Variants in NRG1 observed in about 807,000 individuals in gnomAD.
The protein encoded by NRG1 is pro-neuregulin-1, membrane-bound isoform.
A neutral mutation model predicts 63.8 loss-of-function variants in NRG1; 18 were observed. The ratio of observed to expected loss-of-function variants is 0.28; its 90% CI spans 0.19 to 0.42. The LOEUF is 0.42. NRG1 is among the 10% of genes least tolerant of loss of function. NRG1 has a pLI of 1.00. For synonymous variants in NRG1, 302 were observed against 301.3 expected (o/e 1.00, Z -0.02); for missense variants, 762 against 814.7 (o/e 0.94, Z 0.79).
intron 5 of NRG1, among the ~76,000 whole-genome samples, chr8:32,713,123 T>C (rs1462068204): frequency 6.6e-6 from 1 of 152,182 alleles, no homozygotes; most frequent in Non-Finnish European, 1.5e-5. Flanking sequence ...TCCAGCAACA[T>C]AGATTACATA....
chr8:32,281,744 A>G (rs1386432), intron 1 of NRG1, among the ~76,000 whole-genome samples: 71,010 of 151,942 alleles, frequency 0.47, 18,139 homozygotes, highest in African/African-American at 0.68. Flanking sequence ...TACTCAGGAC[A>G]CTGAGGCAGG....
At chr8:32,364,859 A>G (rs1044231115) in intron 1 of NRG1, among the ~76,000 whole-genome samples, 4 of 152,050 alleles carry the variant, frequency 2.6e-5, no homozygotes, top group Non-Finnish European at 2.9e-5. Flanking sequence ...TGAGTGAAAA[A>G]TGACATCTGA....
intron 1 of NRG1, among the ~76,000 whole-genome samples, chr8:31,789,921 A>G (rs1820537327): frequency 6.6e-6 from 1 of 152,210 alleles, no homozygotes; most frequent in Admixed American, 6.5e-5. Flanking sequence ...GAAACAGATT[A>G]ATATCATTTT....
At chr8:32,388,602 C>T (rs1284406078) in intron 1 of NRG1, among the ~76,000 whole-genome samples, 1 of 151,984 alleles carries the variant, frequency 6.6e-6, no homozygotes, top group Non-Finnish European at 1.5e-5. Flanking sequence ...GTAGACCATA[C>T]ACATTGTTTT....
At chr8:32,740,190 CTTT>C (rs35219061) in intron 6 of NRG1, among the ~76,000 whole-genome samples, 4 of 92,516 alleles carry the variant, frequency 4.3e-5, no homozygotes, top group Non-Finnish European at 5.9e-5. Context: ...GACCCAACCT[CTTT>C]TTTTTTTTTT....
intron 1 of NRG1, among the ~76,000 whole-genome samples, chr8:32,397,288 CTT>C (rs1258456210): frequency 6.6e-6 from 1 of 152,030 alleles, no homozygotes; most frequent in Non-Finnish European, 1.5e-5. Flanking sequence ...ATCTGATTAA[CTT>C]TTAATCCTCA....
At chr8:31,882,871 A>G (rs1020416176) in intron 1 of NRG1, among the ~76,000 whole-genome samples, 13 of 152,138 alleles carry the variant, frequency 8.5e-5, no homozygotes, top group African/African-American at 2.9e-4. Flanking sequence ...TTTCTTACAG[A>G]TGAGCAAAAT....
intron 1 of NRG1, among the ~76,000 whole-genome samples, chr8:31,879,499 G>A (rs1248295324): frequency 6.6e-6 from 1 of 152,116 alleles, no homozygotes; most frequent in Non-Finnish European, 1.5e-5. Context: ...TAGTTCTCAG[G>A]CCCATCAAAC....
At chr8:31,712,041 C>G (rs1811811706) in intron 1 of NRG1, among the ~76,000 whole-genome samples, 2 of 152,036 alleles carry the variant, frequency 1.3e-5, no homozygotes, top group South Asian at 4.1e-4. Flanking sequence ...ATCTACTTTG[C>G]CTGTCTTCTG....
At position 31,921,477 on chromosome 8, in the gene NRG1, T is replaced by TACAC. The variant is rs10557313; in HGVS notation, c.37+282066_37+282069dup. Among the ~76,000 whole-genome samples, 273 of 150,804 alleles carry TACAC rather than the reference T, an allele frequency of 1.8e-3. 2 individuals are homozygous for TACAC. Among genetic ancestry groups the TACAC allele is most frequent in the African/African-American group, 6.0e-3 (245 of 41,128 alleles). On this transcript the variant is annotated intron_variant, in intron 1 of 10. Transcript: ENST00000519301. ...ATCTATTTACACACATACACACACA[T>TACAC]ACACACACACACACACACACACAGA...
chr8:31,979,109 C>A (rs1808663274), intron 1 of NRG1, among the ~76,000 whole-genome samples: 1 of 152,152 alleles, frequency 6.6e-6, no homozygotes, highest in Non-Finnish European at 1.5e-5. Flanking sequence ...GCTGATCCAC[C>A]TGGGGTGTCT....
chr8:32,646,595 C>A (rs569639037), intron 5 of NRG1: 3 of 755,202 alleles, frequency 4.0e-6, no homozygotes, highest in East Asian at 1.3e-4. Flanking sequence ...TAGCATCGAT[C>A]GCTGGCTTTC....
rs76089096 is a variant in NRG1 at position 32,750,806 on chromosome 8, C to T, written c.692-3566C>T. Among the ~76,000 whole-genome samples the T allele has an allele frequency of 2.4e-3, 368 of 151,840 alleles. 12 individuals are homozygous for T. In the East Asian group the frequency reaches 0.068, roughly 28 times the overall value. ...GGCCTTTGTGCCTCGCAGAACATCTCCAAAGAGGGAGAAACACAAGGGGGA... is the reference window on the plus strand; with the variant it reads ...GGCCTTTGTGCCTCGCAGAACATCTTCAAAGAGGGAGAAACACAAGGGGGA... On this transcript the variant is annotated intron_variant, in intron 7 of 11. Coordinates refer to ENST00000356819, the Ensembl canonical transcript of NRG1.
intron 1 of NRG1, among the ~76,000 whole-genome samples, chr8:32,145,289 T>A (rs1055300606): frequency 1.3e-5 from 2 of 152,166 alleles, no homozygotes; most frequent in African/African-American, 4.8e-5. Flanking sequence ...CAGAAGCAAT[T>A]GAGTATTTAG....
At chr8:31,940,760 A>G (rs1218834013) in intron 1 of NRG1, among the ~76,000 whole-genome samples, 1 of 152,178 alleles carries the variant, frequency 6.6e-6, no homozygotes, top group Non-Finnish European at 1.5e-5. Context: ...ATTCAAGGCT[A>G]CTATGAACAC....
At chr8:32,173,156 A>G (rs141162425) in intron 1 of NRG1, among the ~76,000 whole-genome samples, 5,668 of 152,170 alleles carry the variant, frequency 0.037, 193 homozygotes, top group African/African-American at 0.088. Context: ...CAGAAACTCT[A>G]CAAGCCAGAA....
chr8:31,760,062 A>G (rs1353647312), intron 1 of NRG1, among the ~76,000 whole-genome samples: 1 of 152,168 alleles, frequency 6.6e-6, no homozygotes, highest in East Asian at 1.9e-4. Context: ...CCTCAAAGTT[A>G]CCCATGCGGA....
At chr8:32,207,121 T>C (rs1586086221) in intron 1 of NRG1, among the ~76,000 whole-genome samples, 1 of 152,188 alleles carries the variant, frequency 6.6e-6, no homozygotes, top group African/African-American at 2.4e-5. Context: ...AAACAACATT[T>C]GTTTTTTCAA....
intron 1 of NRG1, among the ~76,000 whole-genome samples, chr8:32,253,999 G>C (rs1272045667): frequency 1.3e-5 from 2 of 152,166 alleles, no homozygotes; most frequent in Non-Finnish European, 2.9e-5. Context: ...AGTATTCTCT[G>C]ATGGTAGTTT....
Sources: allele counts gnomAD v4.1 joint callset (sites outside exome capture counted in the v4.1 genomes callset), GRCh38; gene constraint gnomAD v4.1.1; transcripts MANE v1.5; gene names NCBI Gene and HGNC (gene_info 2026-07-23, HGNC 2026-07-21).